Variants in TNS3 observed in about 807,000 individuals in gnomAD.
The protein encoded by TNS3 is tensin-3.
Under a neutral mutation model 140.9 loss-of-function variants are expected in TNS3, and 45 were observed. The observed-to-expected ratio is 0.32, with a 90% CI of 0.25 to 0.41. The LOEUF (loss-of-function observed/expected upper bound fraction) is 0.41, where lower values mean the gene tolerates loss of function less well. Among genes scored for constraint, TNS3 ranks in the 10% least tolerant of loss-of-function variants. The probability of loss-of-function intolerance (pLI) is 1.00; values close to 1 mark genes in which losing one functional copy is unlikely to be tolerated. For synonymous variants in TNS3, 815 were observed against 788.4 expected (o/e 1.03, Z -0.56); for missense variants, 1,716 against 1,906.7 (o/e 0.90, Z 1.86).
intron 1 of TNS3, among the ~76,000 whole-genome samples, chr7:47,576,971 C>G (rs1157291393): frequency 6.6e-6 from 1 of 152,236 alleles, no homozygotes; most frequent in African/African-American, 2.4e-5. Flanking sequence ...CGAGTGTATT[C>G]CAGTGTATTC....
At chr7:47,343,200 T>C (rs915620777) in intron 20 of TNS3, among the ~76,000 whole-genome samples, 7 of 152,274 alleles carry the variant, frequency 4.6e-5, no homozygotes, top group African/African-American at 1.4e-4. Flanking sequence ...GCACAGGACA[T>C]GGAGCTCATC....
chr7:47,571,073 GTCTGTCTTGGGGGGC>G, intron 1 of TNS3, among the ~76,000 whole-genome samples: 1 of 152,314 alleles, frequency 6.6e-6, no homozygotes, highest in African/African-American at 2.4e-5. Context: ...TTCTCAGTCA[GTCTGTCTTGGGGGGC>G]CCAACGTGGA....
At chr7:47,412,533 G>A (rs1028137600) in intron 12 of TNS3, among the ~76,000 whole-genome samples, 6 of 152,180 alleles carry the variant, frequency 3.9e-5, no homozygotes, top group African/African-American at 7.2e-5. Context: ...CAGGAGAATC[G>A]CTTGAACCTA....
chr7:47,509,360 C>T (rs1374742724), intron 2 of TNS3, among the ~76,000 whole-genome samples: 1 of 152,202 alleles, frequency 6.6e-6, no homozygotes, highest in East Asian at 1.9e-4. Context: ...ACTTCACACT[C>T]GATTGTCAGC....
intron 17 of TNS3, among the ~76,000 whole-genome samples, chr7:47,354,162 C>T (rs1036910461): frequency 7.2e-5 from 11 of 152,028 alleles, no homozygotes; most frequent in African/African-American, 1.7e-4. Flanking sequence ...ACTGTCCATG[C>T]CTATATATTT....
intron 13 of TNS3, among the ~76,000 whole-genome samples, chr7:47,409,553 C>A (rs1247114769): frequency 2.0e-5 from 3 of 152,206 alleles, no homozygotes; most frequent in Non-Finnish European, 4.4e-5. Flanking sequence ...TCAGGGAGCA[C>A]CCGCCCTTGA....
chr7:47,330,579 C>T (rs1319243397), intron 20 of TNS3, among the ~76,000 whole-genome samples: 2 of 151,766 alleles, frequency 1.3e-5, no homozygotes, highest in African/African-American at 2.4e-5. Context: ...CAGGTGAGAG[C>T]GAGGCAGCAG....
At chr7:47,361,689 G>T (rs750517332) in intron 17 of TNS3, among the ~76,000 whole-genome samples, 1 of 152,254 alleles carries the variant, frequency 6.6e-6, no homozygotes, top group South Asian at 2.1e-4. Context: ...AAAGCTTACA[G>T]TTTCCATTGC....
At chr7:47,581,598 G>A (rs1328727097) in intron 1 of TNS3, 2 of 152,264 alleles carry the variant, frequency 1.3e-5, no homozygotes, top group Non-Finnish European at 1.5e-5. Flanking sequence ...CCTCAGTCCA[G>A]GGCGCCCGGG....
chr7:47,393,134 G>A (rs1792626128), intron 16 of TNS3, among the ~76,000 whole-genome samples: 1 of 152,308 alleles, frequency 6.6e-6, no homozygotes, highest in East Asian at 1.9e-4. Flanking sequence ...ATCCTACTAT[G>A]AGAAATTACA....
In TNS3 at chr7:47,565,481, C is replaced by T. The variant is rs140894122; in HGVS notation, c.-265+16570G>A. 3.4e-4 allele frequency among the ~76,000 whole-genome samples: 52 copies of T among 152,190 alleles called. No individual in the cohort carries two copies. In the East Asian group the frequency reaches 8.5e-3, roughly 25 times the overall value. ...TCCCAGGTTCAAGCGATTCTCCTGC[C>T]TCAGCTTCCCGAGTAGCTGGAACTA... On this transcript the variant is annotated intron_variant, in intron 1 of 30. Coordinates refer to ENST00000311160, the MANE Select transcript of TNS3 (RefSeq NM_022748.12).
At chr7:47,318,935 T>C (rs1237253490) in intron 20 of TNS3, among the ~76,000 whole-genome samples, 2 of 152,200 alleles carry the variant, frequency 1.3e-5, no homozygotes, top group Admixed American at 1.3e-4. Context: ...GTCTTGATGT[T>C]TTCTGTTTTC....
intron 4 of TNS3, among the ~76,000 whole-genome samples, chr7:47,472,769 G>A (rs1269520392): frequency 6.6e-6 from 1 of 152,178 alleles, no homozygotes; most frequent in Non-Finnish European, 1.5e-5. Context: ...GTCTGCACTT[G>A]CTCCAAAGCA....
At chr7:47,388,606 T>A (rs1480972141) in intron 16 of TNS3, among the ~76,000 whole-genome samples, 1 of 152,208 alleles carries the variant, frequency 6.6e-6, no homozygotes, top group African/African-American at 2.4e-5. Flanking sequence ...GGCTCACACC[T>A]GTAATCCCAG....
chr7:47,510,456 C>T (rs1333414817), intron 2 of TNS3, among the ~76,000 whole-genome samples: 1 of 152,112 alleles, frequency 6.6e-6, no homozygotes, highest in African/African-American at 2.4e-5. Context: ...TGAAAGAACT[C>T]CTAGCAGACA....
At chr7:47,469,790 A>G (rs559235420) in intron 4 of TNS3, among the ~76,000 whole-genome samples, 4 of 152,106 alleles carry the variant, frequency 2.6e-5, no homozygotes, top group African/African-American at 9.7e-5. Context: ...CCTGACCAAC[A>G]TGGTGAAACA....
At chr7:47,582,137 G>A (rs1215631968), upstream of TNS3, 4 of 151,428 alleles carry the variant, frequency 2.6e-5, no homozygotes, top group African/African-American at 7.3e-5. Context: ...CCGTCCTCCT[G>A]GCTGGCTGCC....
intron 4 of TNS3, among the ~76,000 whole-genome samples, chr7:47,446,976 C>T (rs1229567132): frequency 6.7e-6 from 1 of 148,444 alleles, no homozygotes; most frequent in Non-Finnish European, 1.5e-5. Context: ...GCATGAGCTT[C>T]CGTGCCCGGC....
Position 47,369,510 on chromosome 7 carries a change from C to T in TNS3, c.1136G>A (p.Ser379Asn), listed in dbSNP as rs184898694. 116 of 1,614,088 alleles carry T rather than the reference C, an allele frequency of 7.2e-5. No homozygotes were observed. In the African/African-American group the frequency reaches 1.3e-3, roughly 19 times the overall value. ...CAAGGTGTGGTCACTGTGGTCTGGG[C>T]TGTTGGTGGCCGGGATTGCCTGGGG... is the stretch of plus-strand genomic sequence containing the variant. ...GGPQAIPATN[S>N]PDHSDHTLSV... Residue 379 changes from serine (S) to asparagine (N), a missense_variant, in exon 17 of 31, where the codon AGC (serine) becomes AAC (asparagine). Ser to Asn is a conservative substitution (Grantham distance 46, BLOSUM62 1). This residue lies in a region of TNS3 where 1,163 missense variants were observed against 1,182.1 expected (regional missense o/e 0.98). Coordinates refer to ENST00000311160, the MANE Select transcript of TNS3 (RefSeq NM_022748.12).
Sources: gnomAD v4.1 joint callset for allele counts (sites outside exome capture counted in the v4.1 genomes callset) on GRCh38, gnomAD v4.1.1 for gene constraint, gnomAD v4.1.1 regional missense constraint, MANE v1.5 for transcripts, NCBI Gene and HGNC (gene_info 2026-07-23, HGNC 2026-07-21) for gene names.